HTR1E: variants seen among roughly 807,000 people sequenced by gnomAD.
HTR1E encodes the protein 5-hydroxytryptamine receptor 1E, also known as 5-HT-1E.
Under a neutral mutation model 3.4 loss-of-function variants are expected in HTR1E, and 3 were observed. The ratio of observed to expected loss-of-function variants is 0.89; its 90% CI spans 0.41 to 2.31. The LOEUF (loss-of-function observed/expected upper bound fraction) is 2.31, where lower values mean the gene tolerates loss of function less well. HTR1E is among the 30% of genes most tolerant of loss of function. The pLI is 0.05. For synonymous variants in HTR1E, 170 were observed against 182.8 expected (o/e 0.93, Z 0.56); for missense variants, 392 against 467.0 (o/e 0.84, Z 1.48).
At chr6:86,974,958 T>C (rs978943606) in intron 1 of HTR1E, among the ~76,000 whole-genome samples, 14 of 152,212 alleles carry the variant, frequency 9.2e-5, no homozygotes, top group Non-Finnish European at 1.6e-4. Context: ...ATTCGCATTT[T>C]CTCTTCCCCC....
At chr6:87,012,444 G>T (rs76563773) in intron 1 of HTR1E, among the ~76,000 whole-genome samples, 1,767 of 152,154 alleles carry the variant, frequency 0.012, 23 homozygotes, top group South Asian at 0.077. Context: ...TACCTTTTGG[G>T]TACTATGCTT....
chr6:86,963,229 A>G (rs143806954), intron 1 of HTR1E, among the ~76,000 whole-genome samples: 219 of 152,314 alleles, frequency 1.4e-3, no homozygotes, highest in African/African-American at 5.0e-3. Context: ...AAAAAAATTT[A>G]CATAGGAAAA....
chr6:86,946,386 G>A (rs947494270), intron 1 of HTR1E, among the ~76,000 whole-genome samples: 8 of 152,192 alleles, frequency 5.3e-5, no homozygotes, highest in Non-Finnish European at 7.3e-5. Context: ...GTAACATGCT[G>A]TCTGGCTTTG....
At chr6:86,945,504 A>G (rs1420965614) in intron 1 of HTR1E, among the ~76,000 whole-genome samples, 3 of 152,064 alleles carry the variant, frequency 2.0e-5, no homozygotes, top group Non-Finnish European at 2.9e-5. Flanking sequence ...CAGCCTCCCA[A>G]AGTGCTGGGA....
intron 1 of HTR1E, among the ~76,000 whole-genome samples, chr6:86,993,229 C>T (rs1767894172): frequency 6.6e-6 from 1 of 151,510 alleles, no homozygotes; most frequent in Admixed American, 6.6e-5. Flanking sequence ...TATCTTTACA[C>T]TTTTCTATAA....
In HTR1E at chr6:86,938,612, G is replaced by A. The variant is rs553548221; in HGVS notation, c.-186+789G>A. ...GAAAGGACCTTGTATTCAACCCAAC[G>A]CTGCTTGTCCTTGAGTTAGAAGGAT... On this transcript the variant is annotated intron_variant, in intron 1 of 1. Coordinates refer to ENST00000305344, the MANE Select transcript of HTR1E (RefSeq NM_000865.3). Among the ~76,000 whole-genome samples the A allele has an allele frequency of 8.5e-5, 13 of 152,304 alleles. No homozygotes were observed. The East Asian group carries it at 2.1e-3, about 25-fold the overall frequency.
intron 1 of HTR1E, among the ~76,000 whole-genome samples, chr6:87,008,195 A>T (rs1768146658): frequency 6.6e-6 from 1 of 152,178 alleles, no homozygotes; most frequent in African/African-American, 2.4e-5. Flanking sequence ...AAAGAAAAAG[A>T]GAATAAAGAA....
At chr6:86,978,423 TCTC>T (rs375697404) in intron 1 of HTR1E, among the ~76,000 whole-genome samples, 191 of 152,244 alleles carry the variant, frequency 1.3e-3, no homozygotes, top group African/African-American at 4.5e-3. Context: ...TACATCAGAT[TCTC>T]CTGGTAGGTG....
At chr6:86,938,433 A>C (rs995592715) in intron 1 of HTR1E, among the ~76,000 whole-genome samples, 2 of 152,166 alleles carry the variant, frequency 1.3e-5, no homozygotes, top group African/African-American at 4.8e-5. Flanking sequence ...GTCTTAAGCC[A>C]TCTCCACCCA....
At chr6:86,959,902 G>T (rs1282760412) in intron 1 of HTR1E, among the ~76,000 whole-genome samples, 1 of 152,124 alleles carries the variant, frequency 6.6e-6, no homozygotes, top group African/African-American at 2.4e-5. Flanking sequence ...ATCCCCAGCT[G>T]TGTCTGTAGG....
chr6:86,974,078 A>C (rs1262959418), intron 1 of HTR1E, among the ~76,000 whole-genome samples: 1 of 152,218 alleles, frequency 6.6e-6, no homozygotes, highest in African/African-American at 2.4e-5. Flanking sequence ...CACAGCTGGA[A>C]GTAATTTTCC....
intron 1 of HTR1E, among the ~76,000 whole-genome samples, chr6:86,968,453 C>T (rs1470326482): frequency 6.6e-6 from 1 of 152,126 alleles, no homozygotes; most frequent in Non-Finnish European, 1.5e-5. Context: ...TGCCTGTTTC[C>T]CCACACTGTC....
intron 1 of HTR1E, among the ~76,000 whole-genome samples, chr6:86,943,792 G>A (rs777329064): frequency 2.0e-4 from 30 of 152,168 alleles, no homozygotes; most frequent in Non-Finnish European, 3.7e-4. Flanking sequence ...TTAAATGTGT[G>A]TATTCATTAT....
chr6:87,011,506 A>G (rs1193784167), intron 1 of HTR1E, among the ~76,000 whole-genome samples: 4 of 152,208 alleles, frequency 2.6e-5, no homozygotes, highest in South Asian at 2.1e-4. Context: ...TTAAACTTTT[A>G]ATGGTTGAGA....
chr6:87,002,640 A>T (rs923196593), intron 1 of HTR1E, among the ~76,000 whole-genome samples: 1 of 152,042 alleles, frequency 6.6e-6, no homozygotes, highest in Admixed American at 6.6e-5. Flanking sequence ...CTTTAGCTAG[A>T]CACAGAGTGC....
At chr6:86,940,130 A>G (rs1170138547) in intron 1 of HTR1E, among the ~76,000 whole-genome samples, 1 of 152,122 alleles carries the variant, frequency 6.6e-6, no homozygotes, top group Non-Finnish European at 1.5e-5. Context: ...AGAGGGAAGT[A>G]AGGTATATCA....
intron 1 of HTR1E, among the ~76,000 whole-genome samples, chr6:86,960,562 T>C (rs947099039): frequency 6.6e-6 from 1 of 152,180 alleles, no homozygotes; most frequent in African/African-American, 2.4e-5. Context: ...TGTTCTGTTA[T>C]CCCGGTTGTT....
intron 1 of HTR1E, among the ~76,000 whole-genome samples, chr6:87,014,060 T>C (rs1223093368): frequency 6.6e-6 from 1 of 151,770 alleles, no homozygotes; most frequent in African/African-American, 2.4e-5. Flanking sequence ...AATTGAACAA[T>C]GAGAACACCT....
At chr6:87,010,400 G>T (rs1435882070) in intron 1 of HTR1E, among the ~76,000 whole-genome samples, 3 of 148,002 alleles carry the variant, frequency 2.0e-5, no homozygotes, top group Non-Finnish European at 3.0e-5. Flanking sequence ...CGGGGTGGCT[G>T]GCCGGGCTGA....
Sources: allele counts gnomAD v4.1 joint callset (sites outside exome capture counted in the v4.1 genomes callset), GRCh38; gene constraint gnomAD v4.1.1; transcripts MANE v1.5; gene names NCBI Gene and HGNC (gene_info 2026-07-23, HGNC 2026-07-21).